The following SLC6A17 variants were observed in gnomAD, a reference collection of about 807,000 sequenced individuals.
SLC6A17 encodes solute carrier family 6 member 17.
Under a neutral mutation model 64.5 loss-of-function variants are expected in SLC6A17, and 21 were observed. The ratio of observed to expected loss-of-function variants is 0.33; its 90% confidence interval spans 0.23 to 0.47. The LOEUF (loss-of-function observed/expected upper bound fraction) is 0.47. SLC6A17 is among the 20% of genes least tolerant of loss of function. The probability of loss-of-function intolerance (pLI) is 1.00; values close to 1 mark genes in which losing one functional copy is unlikely to be tolerated. For missense variants in SLC6A17, 682 were observed against 963.2 expected, an observed-to-expected ratio of 0.71 and a Z score of 3.86; for synonymous variants, 372 against 399.5, an observed-to-expected ratio of 0.93 and a Z score of 0.82.
At chr1:110,194,434 A>G in intron 8 of SLC6A17, 145 bp from the exon 9 acceptor site, 1 of 889,266 alleles carries the variant, frequency 1.1e-6, no homozygotes, top group Non-Finnish European at 1.7e-6. Flanking sequence ...CCCACTGGCC[A>G]AAATCAACAG....
At chr1:110,183,164 T>C (rs1229202678) in intron 6 of SLC6A17, among the ~76,000 whole-genome samples, 6 of 150,796 alleles carry the variant, frequency 4.0e-5, no homozygotes, top group Non-Finnish European at 7.4e-5. Context: ...CAAAAACTTA[T>C]ACACAAATGT....
intron 9 of SLC6A17, among the ~76,000 whole-genome samples, chr1:110,195,207 A>T (rs1018515753): frequency 6.6e-6 from 1 of 152,206 alleles, no homozygotes; most frequent in Non-Finnish European, 1.5e-5. Flanking sequence ...TCTCATCTGC[A>T]TCCCTAAAGC....
intron 6 of SLC6A17, among the ~76,000 whole-genome samples, chr1:110,185,653 G>C (rs916219465): frequency 1.2e-4 from 19 of 152,192 alleles, no homozygotes; most frequent in Non-Finnish European, 2.5e-4. Flanking sequence ...AAAGCCCATT[G>C]CCCATCCTCC....
chr1:110,190,773 A>G (rs1656804174), intron 6 of SLC6A17, among the ~76,000 whole-genome samples: 1 of 152,104 alleles, frequency 6.6e-6, no homozygotes, highest in Non-Finnish European at 1.5e-5. Flanking sequence ...CAAAGGTCAC[A>G]GGGGAAAATG....
chr1:110,168,953 T>G (rs1304185997), intron 2 of SLC6A17, among the ~76,000 whole-genome samples: 1 of 152,234 alleles, frequency 6.6e-6, no homozygotes, highest in Non-Finnish European at 1.5e-5. Flanking sequence ...ATTCCTGCCT[T>G]CCTTTTTCTA....
At position 110,198,334 on chromosome 1, in the gene SLC6A17, C is replaced by A; in HGVS notation, c.2074C>A (p.Arg692Ser). The A allele has an allele frequency of 6.2e-7, 1 of 1,614,194 alleles. No individual in the cohort carries two copies. ...GGCACCTTCCCCCATGCCCACTCAC[C>A]GTTCCTATCTGGGGCCCGGCAGCAC... ...SEAPSPMPTHRSYLGPGSTSP... is the reference protein window; with the variant it reads ...SEAPSPMPTHSSYLGPGSTSP... Residue 692 changes from arginine (R) to serine (S), a missense_variant, in exon 12 of 12, where the codon CGT becomes AGT. Arg to Ser is a moderately radical substitution (Grantham distance 110). Coordinates refer to ENST00000331565, the MANE Select transcript of SLC6A17 (RefSeq NM_001010898.4).
intron 3 of SLC6A17, among the ~76,000 whole-genome samples, chr1:110,172,850 C>T (rs1656277233): frequency 5.9e-5 from 9 of 152,200 alleles, no homozygotes; most frequent in Admixed American, 5.9e-4. Context: ...CTGCTCAGAG[C>T]TCTACGTGAG....
In SLC6A17 at chr1:110,192,740, A is replaced by C. The variant is rs1571002075; in HGVS notation, c.1299+42A>C. ...CCCTTCCCAGGACAGGCAGGAACCC[A>C]GAGAGCAGCTGTGGCCGGCGGGAGC... On this transcript the variant is annotated intron_variant, in intron 8 of 11. Coordinates refer to ENST00000331565, the MANE Select transcript of SLC6A17 (RefSeq NM_001010898.4). The surrounding 1 kb of genome is among the most constrained non-coding windows in gnomAD (Gnocchi z 4.3). The C allele has an allele frequency of 6.3e-7, 1 of 1,583,004 alleles. No individual in the cohort carries two copies. The highest frequency in any genetic ancestry group is 8.6e-7 in the Non-Finnish European group (1 of 1,162,784).
At chr1:110,187,432 T>C (rs1334196122) in intron 6 of SLC6A17, among the ~76,000 whole-genome samples, 5 of 152,216 alleles carry the variant, frequency 3.3e-5, no homozygotes, top group Non-Finnish European at 7.3e-5. Context: ...CCACATTTGA[T>C]TGGCCAAAAC....
At chr1:110,188,030 A>T (rs1656730397) in intron 6 of SLC6A17, among the ~76,000 whole-genome samples, 1 of 152,232 alleles carries the variant, frequency 6.6e-6, no homozygotes, top group Non-Finnish European at 1.5e-5. Flanking sequence ...AAGCAAAATG[A>T]CCTGCACAGA....
intron 2 of SLC6A17, among the ~76,000 whole-genome samples, chr1:110,171,013 G>A (rs1053840282): frequency 8.5e-5 from 13 of 152,222 alleles, no homozygotes; most frequent in Non-Finnish European, 1.6e-4. Context: ...GCAGTAAATA[G>A]CTGATTGTTG....
rs75752297 is a variant in SLC6A17 at position 110,173,839 on chromosome 1, T to C, written c.445-134T>C. The C allele has an allele frequency of 6.8e-4, 909 of 1,339,526 alleles. 7 individuals are homozygous for C. The African/African-American group carries it at 0.01, about 15-fold the overall frequency. 83.0% of individuals were successfully genotyped at this position (1,339,526 alleles called of 1,614,324 possible). Reference sequence around the variant, plus strand: ...GGGAGCTCCTCCACGGCCCGCACCCTATCCCTCCTTGCCTCTCTTGAGGCT... The same window carrying C: ...GGGAGCTCCTCCACGGCCCGCACCCCATCCCTCCTTGCCTCTCTTGAGGCT... On this transcript the variant is annotated intron_variant, in intron 3 of 11. Coordinates refer to ENST00000331565, the MANE Select transcript of SLC6A17 (RefSeq NM_001010898.4).
Position 110,176,744 on chromosome 1 carries a change from G to C in SLC6A17, c.864+5G>C, listed in dbSNP as rs2101849561. 6.2e-7 allele frequency: 1 copy of C among 1,610,208 alleles called. No homozygotes were observed. Among genetic ancestry groups the C allele is most frequent in the South Asian group, 1.1e-5 (1 of 90,680 alleles). Reference sequence around the variant, plus strand: ...CTACACATGTTCACTCCCAAGGTAAGGGTTTGGGGCTCCCACATGCCAGGG... The same window carrying C: ...CTACACATGTTCACTCCCAAGGTAACGGTTTGGGGCTCCCACATGCCAGGG... On this transcript the variant is annotated splice_donor_5th_base_variant and intron_variant, in intron 6 of 11. Transcript: ENST00000331565.
chr1:110,196,854 G>C (rs1309815577), intron 10 of SLC6A17, among the ~76,000 whole-genome samples: 1 of 152,184 alleles, frequency 6.6e-6, no homozygotes, highest in Non-Finnish European at 1.5e-5. Flanking sequence ...ATCTATTGGT[G>C]ACAGTCACAG....
At chr1:110,183,971 G>A (rs984405808) in intron 6 of SLC6A17, among the ~76,000 whole-genome samples, 7 of 151,110 alleles carry the variant, frequency 4.6e-5, no homozygotes, top group Non-Finnish European at 1.0e-4. Context: ...CTAGGGGTCA[G>A]GAGTGTGCAG....
At position 110,199,821 on chromosome 1, in the gene SLC6A17, G is replaced by A. The variant is rs1349918208; in HGVS notation, c.*1377G>A. 1 of 395,830 alleles carries A rather than the reference G, an allele frequency of 2.5e-6. No homozygotes were observed. The highest frequency in any genetic ancestry group is 4.4e-5 in the Admixed American group (1 of 22,530). 24.5% of individuals were successfully genotyped at this position (395,830 alleles called of 1,614,324 possible). ...GCAGCCAGGGAGGAACCTGACCCAA[G>A]AGTAAATGTCTGCAGAGAGATGGAT... On this transcript the variant is annotated 3_prime_UTR_variant, in exon 12 of 12. Transcript: ENST00000331565.
At chr1:110,163,317 A>C (rs1267013662) in intron 1 of SLC6A17, among the ~76,000 whole-genome samples, 1 of 151,726 alleles carries the variant, frequency 6.6e-6, no homozygotes, top group Non-Finnish European at 1.5e-5. Context: ...ACCCACCTCC[A>C]CTCCCATGGT....
At chr1:110,173,893 G>GATC in intron 3 of SLC6A17, 80 bp from the exon 4 acceptor site, 3 of 1,558,114 alleles carry the variant, frequency 1.9e-6, no homozygotes, top group Non-Finnish European at 2.6e-6. Context: ...CGCTGCCGAC[G>GATC]TGCTGGGCCT....
At chr1:110,162,533 G>A (rs1458599157) in intron 1 of SLC6A17, among the ~76,000 whole-genome samples, 1 of 152,188 alleles carries the variant, frequency 6.6e-6, no homozygotes, top group African/African-American at 2.4e-5. Context: ...CTGGATTATG[G>A]CTGGTTCCAT....
Sources: allele counts gnomAD v4.1 joint callset (sites outside exome capture counted in the v4.1 genomes callset), GRCh38; gene constraint gnomAD v4.1.1; non-coding constraint Gnocchi (gnomAD v3.1); transcripts MANE v1.5; gene names NCBI Gene and HGNC (gene_info 2026-07-23, HGNC 2026-07-21).